The following TAB3 variants were observed in gnomAD, a reference collection of about 807,000 sequenced individuals.
TAB3 encodes the protein TGF-beta-activated kinase 1 and MAP3K7-binding protein 3.
TAB3 carries 18 observed loss-of-function variants against 48.1 expected under a neutral mutation model. That is an observed-to-expected ratio of 0.37 (90% CI 0.26 to 0.55). The LOEUF is 0.55. Among genes scored for constraint, TAB3 ranks in the 20% least tolerant of loss-of-function variants. The probability of loss-of-function intolerance (pLI) is 0.78; values close to 1 mark genes in which losing one functional copy is unlikely to be tolerated. For synonymous variants in TAB3, 185 were observed against 190.2 expected (o/e 0.97, Z 0.22); for missense variants, 414 against 549.8 (o/e 0.75, Z 2.47).
chrX:30,833,977 T>C, intron 10 of TAB3, 74 bp downstream of exon 10: 2 of 965,591 alleles, frequency 2.1e-6, no homozygotes, highest in Non-Finnish European at 2.9e-6. Context: ...AGGTATGGTT[T>C]TACTTATAAT....
chrX:30,848,400 T>C (rs1251954648), intron 7 of TAB3, among the ~76,000 whole-genome samples: 2 of 111,449 alleles, frequency 1.8e-5, no homozygotes, highest in Non-Finnish European at 3.8e-5. Flanking sequence ...TGCGTGCCTG[T>C]AGTCCCAGCT....
At chrX:30,860,147 G>A (rs765095171) in intron 4 of TAB3, among the ~76,000 whole-genome samples, 4 of 111,681 alleles carry the variant, frequency 3.6e-5, no homozygotes, top group South Asian at 3.7e-4. Context: ...CCGTGTGTCC[G>A]TATCAATGAA....
intron 5 of TAB3, among the ~76,000 whole-genome samples, chrX:30,858,909 T>C (rs1420978413): frequency 9.0e-6 from 1 of 111,378 alleles, no homozygotes; most frequent in Non-Finnish European, 1.9e-5. Context: ...TAAAATTAGA[T>C]ATCGGTAAGG....
intron 1 of TAB3, among the ~76,000 whole-genome samples, chrX:30,885,141 G>C (rs1377953866): frequency 1.8e-5 from 2 of 112,083 alleles, no homozygotes; most frequent in African/African-American, 6.5e-5. Flanking sequence ...ACAGCTAAAG[G>C]TGTACTATTA....
In TAB3 at chrX:30,855,552, T is replaced by C. The variant is rs1333809359; in HGVS notation, c.113A>G (p.Asn38Ser). ...VSQCMLQNNNNLEACCRALSQ... is the reference protein window; with the variant it reads ...VSQCMLQNNNSLEACCRALSQ... ...AAGGGCTCGGCAACAGGCTTCAAGA[T>C]TGTTGTTATTCTAGGGGAGAAAAAT... Residue 38 changes from asparagine to serine, a missense_variant, in exon 6 of 11, where the codon AAT (asparagine) becomes AGT (serine). Asn to Ser is a conservative substitution (Grantham distance 46, BLOSUM62 1). Coordinates refer to ENST00000288422, the MANE Select transcript of TAB3 (RefSeq NM_152787.5). The C allele has an allele frequency of 1.7e-6, 2 of 1,185,558 alleles. No homozygotes were observed. The highest frequency in any genetic ancestry group is 2.4e-5 in the Admixed American group (1 of 42,194).
intron 4 of TAB3, among the ~76,000 whole-genome samples, chrX:30,864,545 C>G (rs775116166): frequency 2.0e-4 from 22 of 112,036 alleles, no homozygotes; most frequent in Non-Finnish European, 3.9e-4. Flanking sequence ...GGAAGCTCCC[C>G]CAGAGCTCTG....
At chrX:30,852,746 C>T in intron 7 of TAB3, 32 bp downstream of exon 7, 1 of 1,155,275 alleles carries the variant, frequency 8.7e-7, no homozygotes, top group South Asian at 2.1e-5. Flanking sequence ...TATCCCGACC[C>T]TCCTATTAAC....
intron 9 of TAB3, chrX:30,836,095 T>G (rs1351087244): frequency 1.8e-5 from 2 of 112,189 alleles, no homozygotes; most frequent in Non-Finnish European, 3.8e-5. Flanking sequence ...TGGAGAAAAC[T>G]GAATAGCTTT....
At chrX:30,875,969 A>T (rs1463545336) in intron 1 of TAB3, among the ~76,000 whole-genome samples, 1 of 112,179 alleles carries the variant, frequency 8.9e-6, no homozygotes, top group East Asian at 2.8e-4. Context: ...GAAGGCAAGG[A>T]ATAGGGTTGG....
rs1406883530 is a variant in TAB3 at position 30,854,875 on chromosome X, G to A, written c.790C>T (p.Arg264Cys). 5.0e-6 allele frequency: 6 copies of A among 1,210,727 alleles called. No individual in the cohort carries two copies. The highest frequency in any genetic ancestry group is 4.5e-6 in the Non-Finnish European group (4 of 894,992). Residue 264 changes from arginine to cysteine, a missense_variant, in exon 6 of 11, where the codon CGT (arginine) becomes TGT (cysteine). Arg to Cys is a radical substitution (Grantham distance 180). Coordinates refer to ENST00000288422, the MANE Select transcript of TAB3 (RefSeq NM_152787.5). ...PQGPVPHYSQ[R>C]PLPVYPHQQN... ...TGGTGTGGATAAACAGGTAAAGGAC[G>A]CTGGCTATAGTGAGGCACTGGGCCC...
intron 4 of TAB3, among the ~76,000 whole-genome samples, chrX:30,860,614 T>G (rs1281040233): frequency 1.8e-5 from 2 of 111,312 alleles, no homozygotes; most frequent in African/African-American, 6.5e-5. Flanking sequence ...GGCTTTTCTA[T>G]TAAAAAGCGA....
chrX:30,872,369 T>C (rs1939687133), intron 1 of TAB3, among the ~76,000 whole-genome samples: 2 of 111,557 alleles, frequency 1.8e-5, no homozygotes, highest in Non-Finnish European at 1.9e-5. Flanking sequence ...TCTTTTCTTC[T>C]GTTTTTTTGT....
Position 30,859,684 on chromosome X carries a change from T to G in TAB3, c.-90-6A>C. 2.2e-6 allele frequency: 1 copy of G among 463,829 alleles called. No individual in the cohort carries two copies. Among genetic ancestry groups the G allele is most frequent in the South Asian group, 3.8e-5 (1 of 26,237 alleles). 38.2% of individuals were successfully genotyped at this position (463,829 alleles called of 1,213,427 possible). A position where few individuals can be genotyped will look rare whatever the true frequency, so the allele number is the denominator to read the frequency against. On this transcript the variant is annotated splice_region_variant and splice_polypyrimidine_tract_variant and intron_variant, in intron 4 of 10. Transcript: ENST00000288422. ...TCTAGCACCACAGTCATTTTCTATT[T>G]AAAAAAAAAAAAAAAGTATGGTTAA...
At chrX:30,839,946 T>TATA (rs1938380529) in intron 9 of TAB3, among the ~76,000 whole-genome samples, 1 of 96,521 alleles carries the variant, frequency 1.0e-5, no homozygotes, top group African/African-American at 3.8e-5. Context: ...ATATATATAA[T>TATA]ATATATTAAA....
At position 30,854,347 on chromosome X, in the gene TAB3, T is replaced by G; in HGVS notation, c.1318A>C (p.Thr440Pro). 8.3e-7 allele frequency: 1 copy of G among 1,211,194 alleles called. No homozygotes were observed. The highest frequency in any genetic ancestry group is 1.1e-6 in the Non-Finnish European group (1 of 895,347). Reference protein sequence around the residue: ...TYTQPTGPSCTPSPSPRVIPN... With the variant: ...TYTQPTGPSCPPSPSPRVIPN... The stretch of plus-strand genomic sequence containing the variant: ...ATCACTCGAGGAGATGGTGATGGAG[T>G]ACAAGAAGGTCCAGTTGGCTGTGTA... Residue 440 changes from threonine to proline, a missense_variant, in exon 6 of 11, where the codon ACT becomes CCT. Transcript: ENST00000288422.
intron 1 of TAB3, among the ~76,000 whole-genome samples, chrX:30,878,516 A>AAAAAAAAAAAAG (rs57251085): frequency 1.1e-4 from 9 of 79,592 alleles, no homozygotes; most frequent in East Asian, 3.5e-4. Flanking sequence ...AAAAAAAAAA[A>AAAAAAAAAAAAG]AAAGAAAGAA....
intron 5 of TAB3, 128 bp downstream of exon 5, chrX:30,859,359 T>TA (rs1366711551): frequency 2.4e-4 from 53 of 224,971 alleles, no homozygotes; most frequent in African/African-American, 9.0e-4. Context: ...GAAATCCTGC[T>TA]CCACACACAC....
At chrX:30,866,870 T>TTAAA (rs538944171) in intron 4 of TAB3, among the ~76,000 whole-genome samples, 1 of 74,732 alleles carries the variant, frequency 1.3e-5, no homozygotes, top group East Asian at 4.4e-4. Flanking sequence ...AAGGGGTGTT[T>TTAAA]AAAAAAAAAA....
In TAB3 at chrX:30,862,414, G is replaced by A. The variant is rs185288937; in HGVS notation, c.-90-2736C>T. 4.5e-5 allele frequency among the ~76,000 whole-genome samples: 5 copies of A among 111,770 alleles called. No homozygotes were observed. The East Asian group carries it at 1.4e-3, about 31-fold the overall frequency. Reference sequence around the variant, plus strand: ...ATTCATTTTCCAACCTTAATTACAAGCCTTTAAAATACAAGGGCAATACCA... The same window carrying A: ...ATTCATTTTCCAACCTTAATTACAAACCTTTAAAATACAAGGGCAATACCA... On this transcript the variant is annotated intron_variant, in intron 4 of 10. Transcript: ENST00000288422.
Sources: gnomAD v4.1 joint callset for allele counts (sites outside exome capture counted in the v4.1 genomes callset) on GRCh38, gnomAD v4.1.1 for gene constraint, MANE v1.5 for transcripts, NCBI Gene and HGNC (gene_info 2026-07-23, HGNC 2026-07-21) for gene names.